RYR2: variants seen among roughly 807,000 people sequenced by gnomAD.
RYR2 encodes ryanodine receptor 2, also known as cardiac muscle ryanodine receptor-calcium release channel.
A neutral mutation model predicts 601.1 loss-of-function variants in RYR2; 227 were observed. The observed-to-expected ratio is 0.38, with a 90% CI of 0.34 to 0.42. The LOEUF (loss-of-function observed/expected upper bound fraction) is 0.42. Ranked by LOEUF, RYR2 falls within the 10% of genes least tolerant of loss-of-function variation. The pLI is 1.00. For synonymous variants in RYR2, 2,223 were observed against 2,175.1 expected (o/e 1.02, Z -0.61); for missense variants, 4,646 against 6,156.5 (o/e 0.75, Z 8.21).
chr1:237,208,814 A>G (rs1465674440), intron 1 of RYR2, among the ~76,000 whole-genome samples: 1 of 151,154 alleles, frequency 6.6e-6, no homozygotes, highest in Admixed American at 6.6e-5. Flanking sequence ...GGTCTCCAGA[A>G]CTTATTTGTT....
intron 1 of RYR2, among the ~76,000 whole-genome samples, chr1:237,043,880 G>A (rs1339620380): frequency 6.6e-6 from 1 of 152,132 alleles, no homozygotes; most frequent in African/African-American, 2.4e-5. Context: ...ATGTATTTGG[G>A]TACTAAACAT....
intron 1 of RYR2, among the ~76,000 whole-genome samples, chr1:237,257,146 C>A (rs775976552): frequency 6.6e-6 from 1 of 152,146 alleles, no homozygotes. Context: ...GATTTGATAT[C>A]ATTGTAGGAG....
intron 8 of RYR2, among the ~76,000 whole-genome samples, chr1:237,384,381 T>C (rs1403355771): frequency 6.6e-6 from 1 of 152,226 alleles, no homozygotes; most frequent in Non-Finnish European, 1.5e-5. Flanking sequence ...TATCAGTCAT[T>C]CCACCTCTTA....
At chr1:237,571,061 G>C (rs1484956768) in intron 29 of RYR2, among the ~76,000 whole-genome samples, 1 of 152,044 alleles carries the variant, frequency 6.6e-6, no homozygotes, top group African/African-American at 2.4e-5. Context: ...CAGGGAGGTC[G>C]AGACTGCAGT....
At chr1:237,256,519 C>G (rs114451930) in intron 1 of RYR2, among the ~76,000 whole-genome samples, 1 of 152,142 alleles carries the variant, frequency 6.6e-6, no homozygotes, top group Admixed American at 6.5e-5. Context: ...CTGGCTGTGC[C>G]CTTGACTCCT....
intron 10 of RYR2, among the ~76,000 whole-genome samples, chr1:237,390,543 T>C (rs1374309030): frequency 2.0e-5 from 3 of 152,186 alleles, no homozygotes; most frequent in Non-Finnish European, 2.9e-5. Context: ...TATTATTTAG[T>C]CTGAAGAGGC....
chr1:237,709,455 C>T (rs1203670216), intron 69 of RYR2, 25 bp from the exon 70 acceptor site: 1 of 1,490,508 alleles, frequency 6.7e-7, no homozygotes, highest in East Asian at 2.3e-5. Context: ...AGCTGAGAAA[C>T]CACTTTATTT....
chr1:237,357,608 T>C (rs886333652), intron 4 of RYR2, among the ~76,000 whole-genome samples: 3 of 152,188 alleles, frequency 2.0e-5, no homozygotes, highest in Non-Finnish European at 4.4e-5. Flanking sequence ...TTCTTATTCC[T>C]ATAATAATTT....
chr1:237,617,361 G>A lies in RYR2; in HGVS notation c.5791G>A (p.Asp1931Asn), dbSNP rs1157047011. 6.2e-7 allele frequency: 1 copy of A among 1,613,776 alleles called. No homozygotes were observed. Among genetic ancestry groups the A allele is most frequent in the East Asian group, 2.2e-5 (1 of 44,888 alleles). The part of the protein sequence containing the change: ...RIEAIVAFSD[D>N]FVAKLQDNQR... ...AGAAGCCATTGTAGCCTTTTCAGATGATTTTGTGGCTAAGCTCCAAGACAA... is the reference window on the plus strand; with the variant it reads ...AGAAGCCATTGTAGCCTTTTCAGATAATTTTGTGGCTAAGCTCCAAGACAA... The change falls in exon 38 of 105, where the codon GAT becomes AAT. Residue 1931 changes from aspartate to asparagine, a missense_variant. Transcript: ENST00000366574.
At chr1:237,053,210 A>T (rs1268078159) in intron 1 of RYR2, among the ~76,000 whole-genome samples, 1 of 152,130 alleles carries the variant, frequency 6.6e-6, no homozygotes, top group African/African-American at 2.4e-5. Context: ...GTCTGTCATG[A>T]CATGTTTCCA....
At chr1:237,686,133 T>C (rs963859255) in intron 62 of RYR2, among the ~76,000 whole-genome samples, 2 of 152,188 alleles carry the variant, frequency 1.3e-5, no homozygotes, top group Non-Finnish European at 2.9e-5. Flanking sequence ...GCTGCACGTT[T>C]GATCACAGCT....
intron 10 of RYR2, among the ~76,000 whole-genome samples, chr1:237,399,356 A>G (rs1454685270): frequency 6.6e-6 from 1 of 152,184 alleles, no homozygotes; most frequent in Non-Finnish European, 1.5e-5. Context: ...AGGACAGATT[A>G]TAGGCCATCA....
intron 28 of RYR2, among the ~76,000 whole-genome samples, chr1:237,568,000 A>G (rs1038903109): frequency 1.3e-5 from 2 of 152,140 alleles, no homozygotes; most frequent in African/African-American, 4.8e-5. Context: ...AGCAAACTTT[A>G]AACTTCAAAA....
chr1:237,776,426 T>G (rs557296376), intron 87 of RYR2, among the ~76,000 whole-genome samples: 1 of 152,312 alleles, frequency 6.6e-6, no homozygotes, highest in East Asian at 1.9e-4. Context: ...CTAGAAGGAA[T>G]CTTGTGCACT....
At chr1:237,400,834 G>T (rs193203190) in intron 10 of RYR2, among the ~76,000 whole-genome samples, 1 of 152,264 alleles carries the variant, frequency 6.6e-6, no homozygotes, top group African/African-American at 2.4e-5. Flanking sequence ...AATGAATTTA[G>T]TGTTTGGAGC....
At chr1:237,482,632 A>T (rs909569130) in intron 17 of RYR2, among the ~76,000 whole-genome samples, 1 of 152,116 alleles carries the variant, frequency 6.6e-6, no homozygotes, top group Non-Finnish European at 1.5e-5. Flanking sequence ...CTTCCAAATC[A>T]TTGCAATTAT....
chr1:237,571,900 A>T (rs569821148), intron 29 of RYR2, among the ~76,000 whole-genome samples: 8 of 152,178 alleles, frequency 5.3e-5, no homozygotes, highest in Non-Finnish European at 8.8e-5. Flanking sequence ...TAATTGCATC[A>T]TGGAAAATGG....
At chr1:237,332,698 T>C (rs1023362685) in intron 3 of RYR2, among the ~76,000 whole-genome samples, 8 of 152,216 alleles carry the variant, frequency 5.3e-5, no homozygotes, top group African/African-American at 1.9e-4. Context: ...TAGAACTAAA[T>C]TGCCATAAAT....
At position 237,614,803 on chromosome 1, in the gene RYR2, G is replaced by A. The variant is rs1309412583; in HGVS notation, c.5675G>A (p.Gly1892Asp). Residue 1892 changes from glycine (G) to aspartate (D), a missense_variant, in exon 37 of 105, where the codon GGC becomes GAC. Around this residue, in one of 17 missense-constraint regions of RYR2, gnomAD observed 1,807 missense variants for 2,088.1 expected, o/e 0.87. Coordinates refer to ENST00000366574, the MANE Select transcript of RYR2 (RefSeq NM_001035.3). This position sits in a 1 kb window ranked among gnomAD's most constrained non-coding sequence, Gnocchi z 4.3. ...AAGGGGGGCAAGCGGCCCAAGGAAG[G>A]CCTGCTCCAAATGAAACTGCCAGAG... ...EAKGGKRPKE[G>D]LLQMKLPEPV... 1 of 1,597,744 alleles carries A rather than the reference G, an allele frequency of 6.3e-7. No individual in the cohort carries two copies.
Sources: allele counts gnomAD v4.1 joint callset (sites outside exome capture counted in the v4.1 genomes callset), GRCh38; gene constraint gnomAD v4.1.1; regional missense constraint gnomAD v4.1.1; non-coding constraint Gnocchi (gnomAD v3.1); transcripts MANE v1.5; gene names NCBI Gene and HGNC (gene_info 2026-07-23, HGNC 2026-07-21).